The following ANK3 variants were observed in gnomAD, a reference collection of about 807,000 sequenced individuals.
ANK3 encodes the protein ankyrin 3, also known as ankyrin-3.
ANK3 carries 57 observed loss-of-function variants against 370.9 expected under a neutral mutation model. That is an observed-to-expected ratio of 0.15 (90% CI 0.12 to 0.19). The LOEUF is 0.19. Among genes scored for constraint, ANK3 ranks in the 10% least tolerant of loss-of-function variants. ANK3 has a pLI of 1.00. For missense variants in ANK3, 4,439 were observed against 5,302.1 expected, an observed-to-expected ratio of 0.84 and a Z score of 5.06; for synonymous variants, 1,929 against 1,946.3, an observed-to-expected ratio of 0.99 and a Z score of 0.23.
intron 2 of ANK3, among the ~76,000 whole-genome samples, chr10:60,528,105 A>T (rs989318266): frequency 6.6e-6 from 1 of 151,100 alleles, no homozygotes; most frequent in Non-Finnish European, 1.5e-5. Flanking sequence ...TATAAAAGTC[A>T]ATGTTTTTTC....
rs566886965 is a variant in ANK3, at chr10:60,187,001, T to C, written c.1888-89A>G. 1.2e-5 allele frequency: 15 copies of C among 1,265,010 alleles called. No individual in the cohort carries two copies. In the African/African-American group the frequency reaches 2.2e-4, roughly 19 times the overall value. 78.4% of individuals were successfully genotyped at this position (1,265,010 alleles called of 1,614,324 possible). A position where few individuals can be genotyped will look rare whatever the true frequency, so the allele number is the denominator to read the frequency against. ...TCAAATAGTTTATGTCTCTTTCTAG[T>C]GGTTTTCTATGATTGCTTAAGAAAT... is the stretch of plus-strand genomic sequence containing the variant. On this transcript the variant is annotated intron_variant, in intron 16 of 43. Transcript: ENST00000280772.
chr10:60,038,822 T>TATCA (rs1278279261), intron 43 of ANK3, among the ~76,000 whole-genome samples: 3 of 152,202 alleles, frequency 2.0e-5, no homozygotes, highest in African/African-American at 7.2e-5. Flanking sequence ...TGCACTGATC[T>TATCA]ATCATTTCTT....
chr10:60,304,679 T>C (rs1047320314), intron 1 of ANK3, among the ~76,000 whole-genome samples: 1 of 152,122 alleles, frequency 6.6e-6, no homozygotes, highest in Non-Finnish European at 1.5e-5. Flanking sequence ...ACTTTAAATA[T>C]ATACAATTTT....
At chr10:60,053,463 G>A (rs1409850903) in intron 42 of ANK3, among the ~76,000 whole-genome samples, 1 of 152,094 alleles carries the variant, frequency 6.6e-6, no homozygotes, top group East Asian at 1.9e-4. Flanking sequence ...AAGAAAAAGT[G>A]GCCATTTGGT....
intron 1 of ANK3, among the ~76,000 whole-genome samples, chr10:60,649,913 T>C (rs977784414): frequency 3.3e-5 from 5 of 152,190 alleles, no homozygotes; most frequent in Non-Finnish European, 2.9e-5. Flanking sequence ...CACCTTCAGA[T>C]GGAAGCTCTA....
At chr10:60,437,084 T>C (rs78001237) in intron 2 of ANK3, among the ~76,000 whole-genome samples, 1 of 152,208 alleles carries the variant, frequency 6.6e-6, no homozygotes, top group Non-Finnish European at 1.5e-5. Context: ...CTGGTTGAAC[T>C]ACCACTGATT....
rs761229247 is a variant in ANK3, at chr10:60,270,218, C to T, written c.426G>A (p.Thr142=). 26 of 1,579,162 alleles carry T rather than the reference C, an allele frequency of 1.6e-5. No individual in the cohort carries two copies. Among genetic ancestry groups the T allele is most frequent in the South Asian group, 2.4e-5 (2 of 84,874 alleles). Residue 142 remains threonine, a synonymous_variant, in exon 5 of 44, where the codon ACG becomes ACA. Transcript: ENST00000280772. ...NVNAQSQNGF[T]PLYMAAQENH... ...TTTCCTGGGCTGCCATATACAATGG[C>T]GTGAAACCATTCTGCAAAATAAGAA...
chr10:60,385,564 T>A (rs986911691), intron 1 of ANK3, among the ~76,000 whole-genome samples: 9 of 152,176 alleles, frequency 5.9e-5, no homozygotes, highest in South Asian at 2.1e-4. Context: ...GTTTACTGAA[T>A]GAATACATGA....
At position 60,234,681 on chromosome 10, in the gene ANK3, C is replaced by T; in HGVS notation, c.897+7G>A. The stretch of plus-strand genomic sequence containing the variant: ...AGTAGAAGCAGGTACATAAGTTGCA[C>T]ACTTACCCTGGTTTTGGCATCGATT... On this transcript the variant is annotated splice_region_variant and intron_variant, in intron 8 of 43. Transcript: ENST00000280772. 2 of 1,593,070 alleles carry T rather than the reference C, an allele frequency of 1.3e-6. No homozygotes were observed. The highest frequency in any genetic ancestry group is 1.7e-6 in the Non-Finnish European group (2 of 1,161,258).
chr10:60,402,189 T>C (rs1053553195), intron 2 of ANK3, among the ~76,000 whole-genome samples: 3 of 152,228 alleles, frequency 2.0e-5, no homozygotes, highest in Non-Finnish European at 4.4e-5. Flanking sequence ...TCAAGTATTA[T>C]GGATCATAGA....
chr10:60,417,134 G>A (rs2132943366), intron 2 of ANK3, among the ~76,000 whole-genome samples: 1 of 152,294 alleles, frequency 6.6e-6, no homozygotes, highest in African/African-American at 2.4e-5. Flanking sequence ...TGCATTAACT[G>A]CACAGTGCTG....
intron 14 of ANK3, 119 bp downstream of exon 14, chr10:60,198,221 A>T: frequency 1.0e-6 from 1 of 963,832 alleles, no homozygotes; most frequent in Non-Finnish European, 1.6e-6. Context: ...ATTAATGACT[A>T]CTGTGGGATC....
At chr10:60,520,115 A>C (rs2076314735) in intron 2 of ANK3, among the ~76,000 whole-genome samples, 1 of 152,144 alleles carries the variant, frequency 6.6e-6, no homozygotes, top group African/African-American at 2.4e-5. Flanking sequence ...AAAAGAATGA[A>C]ATCATGTCCT....
intron 1 of ANK3, among the ~76,000 whole-genome samples, chr10:60,638,712 G>T (rs1168534639): frequency 6.6e-6 from 1 of 151,988 alleles, no homozygotes; most frequent in Non-Finnish European, 1.5e-5. Context: ...AAAATTTCTA[G>T]AACTGAAAAT....
chr10:60,034,402 A>C (rs2131841268), intron 43 of ANK3, among the ~76,000 whole-genome samples: 1 of 152,262 alleles, frequency 6.6e-6, no homozygotes, highest in African/African-American at 2.4e-5. Flanking sequence ...CACCATGCCC[A>C]GCCTGAAATT....
intron 1 of ANK3, among the ~76,000 whole-genome samples, chr10:60,292,556 T>A (rs2041650944): frequency 1.3e-5 from 2 of 152,088 alleles, no homozygotes; most frequent in African/African-American, 4.8e-5. Context: ...AAGATAGTAA[T>A]CAAAGGTTTA....
At chr10:60,621,971 A>G (rs2078343491) in intron 1 of ANK3, among the ~76,000 whole-genome samples, 1 of 152,186 alleles carries the variant, frequency 6.6e-6, no homozygotes, top group South Asian at 2.1e-4. Context: ...GTAATCACAC[A>G]GTGGTGAAGA....
chr10:60,278,924 T>G, intron 3 of ANK3, 52 bp from the exon 4 acceptor site: 1 of 1,594,114 alleles, frequency 6.3e-7, no homozygotes, highest in Non-Finnish European at 8.6e-7. Context: ...TGAATTTTCC[T>G]GTTCTCCCCA....
Position 60,074,444 on chromosome 10 carries a change from C to T in ANK3, c.6437G>A (p.Ser2146Asn). 6.2e-7 allele frequency: 1 copy of T among 1,614,114 alleles called. No homozygotes were observed. Among genetic ancestry groups the T allele is most frequent in the Non-Finnish European group, 8.5e-7 (1 of 1,179,990 alleles). Residue 2146 changes from serine (S) to asparagine (N), a missense_variant, in exon 37 of 44, where the codon AGC (serine) becomes AAC (asparagine). Physicochemically the swap from Ser to Asn is conservative, Grantham distance 46 (BLOSUM62 1). Coordinates refer to ENST00000280772, the MANE Select transcript of ANK3 (RefSeq NM_020987.5). ...ATGAAAAAGTGGTTTAGGACCAGTG[C>T]TTTCAGCGCTTTGTGGGGCTGAAGG... ...KTPSAPQSAE[S>N]TGPKPLFHEV...
Sources: allele counts gnomAD v4.1 joint callset (sites outside exome capture counted in the v4.1 genomes callset), GRCh38; gene constraint gnomAD v4.1.1; transcripts MANE v1.5; gene names NCBI Gene and HGNC (gene_info 2026-07-23, HGNC 2026-07-21).